GLDC: variants seen among roughly 807,000 people sequenced by gnomAD.
GLDC encodes glycine dehydrogenase (decarboxylating), mitochondrial.
GLDC carries 104 observed loss-of-function variants against 121.3 expected under a neutral mutation model. The observed-to-expected ratio is 0.86, with a 90% CI of 0.73 to 1.01. The LOEUF (loss-of-function observed/expected upper bound fraction) is 1.01, where lower values mean the gene tolerates loss of function less well. Ranked by LOEUF, GLDC falls within the 50% of genes least tolerant of loss-of-function variation. The pLI, the probability that GLDC is intolerant of heterozygous loss-of-function variation, is 0.00. For missense variants in GLDC, 1,429 were observed against 1,306.6 expected (o/e 1.09, Z -1.44); for synonymous variants, 546 against 480.6 (o/e 1.14, Z -1.78).
intron 8 of GLDC, among the ~76,000 whole-genome samples, chr9:6,601,363 C>G (rs1197782097): frequency 6.6e-6 from 1 of 152,112 alleles, no homozygotes; most frequent in African/African-American, 2.4e-5. Flanking sequence ...GGCCCAACGC[C>G]AAGAATACTA....
At chr9:6,611,404 CA>C (rs1818850772) in intron 3 of GLDC, among the ~76,000 whole-genome samples, 2 of 152,014 alleles carry the variant, frequency 1.3e-5, no homozygotes, top group African/African-American at 4.8e-5. Flanking sequence ...AAAATACAAA[CA>C]ATTAGCCAGG....
intron 15 of GLDC, among the ~76,000 whole-genome samples, chr9:6,577,267 G>A (rs1174724666): frequency 1.3e-5 from 2 of 152,244 alleles, no homozygotes; most frequent in Non-Finnish European, 2.9e-5. Flanking sequence ...TCCACTTGAT[G>A]TTAAATATTA....
chr9:6,555,787 A>G (rs1304843247), intron 18 of GLDC, among the ~76,000 whole-genome samples: 1 of 152,080 alleles, frequency 6.6e-6, no homozygotes, highest in Non-Finnish European at 1.5e-5. Flanking sequence ...GTGAGACTCC[A>G]TCTAAAAAAA....
intron 2 of GLDC, among the ~76,000 whole-genome samples, chr9:6,627,848 T>C (rs1041469383): frequency 3.3e-5 from 5 of 152,220 alleles, no homozygotes; most frequent in Non-Finnish European, 2.9e-5. Context: ...AGTGTCTGAA[T>C]TGTTTCAAAT....
intron 4 of GLDC, 23 bp downstream of exon 4, chr9:6,610,169 C>A: frequency 1.3e-6 from 2 of 1,588,496 alleles, no homozygotes; most frequent in Non-Finnish European, 1.7e-6. Flanking sequence ...ACTGGAATTC[C>A]AGCACTTTGA....
At chr9:6,544,958 G>A (rs1300332355) in intron 21 of GLDC, among the ~76,000 whole-genome samples, 1 of 152,060 alleles carries the variant, frequency 6.6e-6, no homozygotes, top group Admixed American at 6.6e-5. Flanking sequence ...AGTTAGCCAG[G>A]CATGGTGGTG....
At chr9:6,565,250 T>C in intron 16 of GLDC, 104 bp downstream of exon 16, 1 of 836,376 alleles carries the variant, frequency 1.2e-6, no homozygotes, top group Middle Eastern at 2.2e-4. Context: ...TGTTCCCTCA[T>C]CTGCTTCCAA....
chr9:6,547,474 C>T (rs973253606), intron 21 of GLDC, among the ~76,000 whole-genome samples: 1 of 152,110 alleles, frequency 6.6e-6, no homozygotes, highest in African/African-American at 2.4e-5. Flanking sequence ...GTTCTCAGTC[C>T]TCACTAGGCC....
chr9:6,585,346 T>G (rs377528240), intron 15 of GLDC, among the ~76,000 whole-genome samples: 3 of 152,192 alleles, frequency 2.0e-5, no homozygotes, highest in South Asian at 4.1e-4. Flanking sequence ...TTCTTAATTT[T>G]CAACATTTAA....
At chr9:6,581,464 C>G (rs1054282872) in intron 15 of GLDC, among the ~76,000 whole-genome samples, 1 of 152,180 alleles carries the variant, frequency 6.6e-6, no homozygotes, top group African/African-American at 2.4e-5. Context: ...TTTTGGGAAA[C>G]CCCAAATAAG....
chr9:6,534,182 C>CAAAAAAAAAA (rs1225665276), intron 24 of GLDC: 1 of 56,460 alleles, frequency 1.8e-5, no homozygotes, highest in Non-Finnish European at 4.0e-5. Flanking sequence ...GACTCCGTCT[C>CAAAAAAAAAA]AAAAAAAAAA....
At chr9:6,593,363 G>A (rs894372025) in intron 9 of GLDC, among the ~76,000 whole-genome samples, 1 of 151,040 alleles carries the variant, frequency 6.6e-6, no homozygotes, top group African/African-American at 2.4e-5. Context: ...CATGATCATA[G>A]CTGATTGCAT....
In GLDC at chr9:6,602,119, C is replaced by G; in HGVS notation, c.1145G>C (p.Cys382Ser). The G allele has an allele frequency of 1.9e-6, 3 of 1,602,842 alleles. No homozygotes were observed. The highest frequency in any genetic ancestry group is 1.7e-6 in the Non-Finnish European group (2 of 1,169,732). ...IRRDKATSNI[C>S]TAQALLANMA... ...AGACGTGTGATTTACCTGAGCTGTACAGATGTTGCTGGTAGCCTTGTCTCT... is the reference window on the plus strand; with the variant it reads ...AGACGTGTGATTTACCTGAGCTGTAGAGATGTTGCTGGTAGCCTTGTCTCT... Residue 382 changes from cysteine (C) to serine (S), a missense_variant, in exon 8 of 25, where the codon TGT becomes TCT. Coordinates refer to ENST00000321612, the MANE Select transcript of GLDC (RefSeq NM_000170.3).
chr9:6,621,587 G>T (rs531658225), intron 2 of GLDC, among the ~76,000 whole-genome samples: 9 of 152,164 alleles, frequency 5.9e-5, no homozygotes, highest in African/African-American at 1.9e-4. Context: ...GCTCGATCTT[G>T]GCTCACTGCA....
At chr9:6,568,655 C>A (rs1587933633) in intron 15 of GLDC, among the ~76,000 whole-genome samples, 2 of 151,996 alleles carry the variant, frequency 1.3e-5, no homozygotes, top group African/African-American at 4.8e-5. Context: ...CGAGACCAGC[C>A]TGGCCAACAT....
intron 6 of GLDC, 163 bp from the exon 7 acceptor site, chr9:6,604,947 A>C: frequency 1.1e-6 from 1 of 881,432 alleles, no homozygotes; most frequent in Non-Finnish European, 1.9e-6. Flanking sequence ...CTGAGTGCCC[A>C]CCATGTGCCA....
chr9:6,533,944 G>A (rs1430928130), intron 24 of GLDC: 1 of 151,834 alleles, frequency 6.6e-6, no homozygotes, highest in Non-Finnish European at 1.5e-5. Context: ...TGGGCGTGAT[G>A]GCTCACGCCT....
chr9:6,555,062 A>G (rs1157844410), intron 18 of GLDC: 4 of 493,616 alleles, frequency 8.1e-6, no homozygotes, highest in African/African-American at 7.8e-5. Context: ...TCTCTTCCTA[A>G]TTATCCACAC....
intron 7 of GLDC, among the ~76,000 whole-genome samples, chr9:6,603,360 T>C (rs1283239973): frequency 6.6e-6 from 1 of 152,082 alleles, no homozygotes; most frequent in East Asian, 1.9e-4. Flanking sequence ...TTACACCTGG[T>C]AATCCGAGCA....
Sources: allele counts gnomAD v4.1 joint callset (sites outside exome capture counted in the v4.1 genomes callset), GRCh38; gene constraint gnomAD v4.1.1; transcripts MANE v1.5; gene names NCBI Gene and HGNC (gene_info 2026-07-23, HGNC 2026-07-21).